The following CGN variants were observed in gnomAD, a reference collection of about 807,000 sequenced individuals.
CGN encodes cingulin.
In CGN, 121 loss-of-function variants were observed where a neutral mutation model predicts 157.1. The ratio of observed to expected loss-of-function variants is 0.77; its 90% CI spans 0.66 to 0.90. The LOEUF (loss-of-function observed/expected upper bound fraction) is 0.90, where lower values mean the gene tolerates loss of function less well. Among genes scored for constraint, CGN ranks in the 40% least tolerant of loss-of-function variants. CGN has a pLI of 0.00. For missense variants in CGN, 1,424 were observed against 1,520.9 expected (o/e 0.94, Z 1.06); for synonymous variants, 535 against 607.5 (o/e 0.88, Z 1.76).
chr1:151,536,232 C>G lies in CGN; in HGVS notation c.3198-5C>G. 1 of 1,559,946 alleles carries G rather than the reference C, an allele frequency of 6.4e-7. No homozygotes were observed. Among genetic ancestry groups the G allele is most frequent in the Non-Finnish European group, 8.8e-7 (1 of 1,130,454 alleles). ...ACTCATAGACATTCTTCTACCTCAC[C>G]TTAGGGAGAAGACAGTTCTGCAGTC... On this transcript the variant is annotated splice_region_variant and splice_polypyrimidine_tract_variant and intron_variant, in intron 18 of 20. Transcript: ENST00000271636.
At chr1:151,528,294 G>T (rs2102497438) in intron 10 of CGN, among the ~76,000 whole-genome samples, 1 of 151,378 alleles carries the variant, frequency 6.6e-6, no homozygotes, top group South Asian at 2.1e-4. Flanking sequence ...GCCTCACACT[G>T]TATTTTTTTT....
intron 5 of CGN, among the ~76,000 whole-genome samples, chr1:151,522,999 C>A (rs1664575209): frequency 6.6e-6 from 1 of 152,082 alleles, no homozygotes; most frequent in Non-Finnish European, 1.5e-5. Flanking sequence ...AACCTCAGTT[C>A]CTGGCTGTTT....
intron 13 of CGN, among the ~76,000 whole-genome samples, chr1:151,531,482 CTT>C (rs2102500651): frequency 6.6e-6 from 1 of 152,314 alleles, no homozygotes; most frequent in African/African-American, 2.4e-5. Context: ...AGATAAGTAA[CTT>C]GCCTATGGTT....
In CGN at chr1:151,520,179, C is replaced by T. The variant is rs1664508610; in HGVS notation, c.887C>T (p.Pro296Leu). 1.2e-6 allele frequency: 2 copies of T among 1,612,462 alleles called. No homozygotes were observed. The highest frequency in any genetic ancestry group is 3.3e-4 in the Middle Eastern group (2 of 5,990). Residue 296 changes from proline (P) to leucine (L), a missense_variant, in exon 3 of 21, where the codon CCA becomes CTA. By Grantham distance (98) the Pro-to-Leu change is moderately conservative. Transcript: ENST00000271636. ...TTTTTTTAACAGTTCAAATCAACTC[C>T]AGACCTCCTTCGAGACCAGCAGGAG... ...DPTMLQFKST[P>L]DLLRDQQEAA...
Position 151,520,636 on chromosome 1 carries a change from G to T in CGN, c.1085G>T (p.Gly362Val). The change falls in exon 5 of 21, where the codon GGT (glycine) becomes GTT (valine). Residue 362 changes from glycine (G) to valine (V), a missense_variant. By Grantham distance (109) the Gly-to-Val change is moderately radical. Around this residue, in one of 3 missense-constraint regions of CGN, gnomAD observed 1,187 missense variants for 1,217.6 expected, o/e 0.97. Transcript: ENST00000271636. ...TCTACTAAGGCCGTGGCAGGGCAGG[G>T]TGAGCTTACCCGAAAAGTGGAGGAG... The part of the protein sequence containing the change: ...SGSTKAVAGQ[G>V]ELTRKVEELQ... 2 of 1,614,206 alleles carry T rather than the reference G, an allele frequency of 1.2e-6. No individual in the cohort carries two copies. The highest frequency in any genetic ancestry group is 1.7e-6 in the Non-Finnish European group (2 of 1,180,040).
At position 151,537,469 on chromosome 1, in the gene CGN, GA is replaced by G; in HGVS notation, c.*124del. On this transcript the variant is annotated 3_prime_UTR_variant, in exon 21 of 21. Transcript: ENST00000271636. ...CCCAATTATTCAGACCTAAGACAGGGAGGGGTCAGAGTGATGGTGATAAAAA... is the reference window on the plus strand; with the variant it reads ...CCCAATTATTCAGACCTAAGACAGGGGGGGTCAGAGTGATGGTGATAAAAA... The G allele has an allele frequency of 1.3e-6, 1 of 762,036 alleles. No homozygotes were observed. The highest frequency in any genetic ancestry group is 2.7e-5 in the East Asian group (1 of 37,046). The allele number at this position is 762,036 out of a possible 1,614,324, so 47.2% of individuals were successfully genotyped here.
chr1:151,524,509 G>A lies in CGN; in HGVS notation c.1401+151G>A. On this transcript the variant is annotated intron_variant, in intron 7 of 20. Coordinates refer to ENST00000271636, the MANE Select transcript of CGN (RefSeq NM_020770.3). This position sits in a 1 kb window ranked among gnomAD's most constrained non-coding sequence, Gnocchi z 4.4. ...TTCAGGTAGATTCAATGGTGTGTTG[G>A]GACTAGAGTTAGGATAAAGGAAACC... 7.6e-7 allele frequency: 1 copy of A among 1,320,124 alleles called. No individual in the cohort carries two copies. Among genetic ancestry groups the A allele is most frequent in the Non-Finnish European group, 1.0e-6 (1 of 955,042 alleles). The allele number at this position is 1,320,124 out of a possible 1,614,324, so 81.8% of individuals were successfully genotyped here. A position where few individuals can be genotyped will look rare whatever the true frequency, so the allele number is the denominator to read the frequency against.
At chr1:151,536,626 AT>A in intron 19 of CGN, 103 bp from the exon 20 acceptor site, 5 of 1,244,964 alleles carry the variant, frequency 4.0e-6, no homozygotes, top group Non-Finnish European at 5.7e-6. Flanking sequence ...CCAAGGCCAC[AT>A]TTTTCCAGCG....
chr1:151,524,178 T>C lies in CGN; in HGVS notation c.1269-48T>C. The C allele has an allele frequency of 2.0e-6, 3 of 1,484,142 alleles. No individual in the cohort carries two copies. The highest frequency in any genetic ancestry group is 2.8e-6 in the Non-Finnish European group (3 of 1,080,244). The allele number at this position is 1,484,142 out of a possible 1,614,324, so 91.9% of individuals were successfully genotyped here. ...TATGAATTAAAATATATGATGCGTT[T>C]AGAGAACTGCCTGACACATAGTGTG... is the stretch of plus-strand genomic sequence containing the variant. On this transcript the variant is annotated intron_variant, in intron 6 of 20. Coordinates refer to ENST00000271636, the MANE Select transcript of CGN (RefSeq NM_020770.3). This position sits in a 1 kb window ranked among gnomAD's most constrained non-coding sequence, Gnocchi z 4.4.
chr1:151,515,609 G>A (rs1291127478), intron 1 of CGN: 1 of 152,236 alleles, frequency 6.6e-6, no homozygotes, highest in East Asian at 1.9e-4. Flanking sequence ...AAGTCGCTGG[G>A]ACTACAGGTG....
chr1:151,530,367 C>T, intron 12 of CGN, 122 bp from the exon 13 acceptor site: 1 of 1,232,578 alleles, frequency 8.1e-7, no homozygotes, highest in Non-Finnish European at 1.1e-6. Context: ...TGCTAGGAGC[C>T]TGTTTTCATT....
intron 20 of CGN, 87 bp downstream of exon 20, chr1:151,536,980 C>T (rs1664983018): frequency 2.8e-6 from 4 of 1,430,488 alleles, no homozygotes; most frequent in Non-Finnish European, 3.8e-6. Flanking sequence ...GGAGGAGAAT[C>T]TCTAACATGG....
rs1571651194 is a variant in CGN, at chr1:151,511,546, C to T, written c.-15+31C>T. On this transcript the variant is annotated intron_variant, in intron 1 of 20. Transcript: ENST00000271636. The surrounding 1 kb of genome is among the most constrained non-coding windows in gnomAD (Gnocchi z 4.8). ...TGGACCCGGTGCGGGCCAGGGCACC[C>T]GAGAGGAAAGCGAGCCTTCAGGGGT... The T allele has an allele frequency of 6.4e-6, 1 of 155,386 alleles. No homozygotes were observed. Among genetic ancestry groups the T allele is most frequent in the African/African-American group, 2.4e-5 (1 of 41,280 alleles). 9.6% of individuals were successfully genotyped at this position (155,386 alleles called of 1,614,324 possible).
In CGN at chr1:151,530,208, G is replaced by A. The variant is rs923212690; in HGVS notation, c.2313+93G>A. The A allele has an allele frequency of 6.6e-6, 9 of 1,373,988 alleles. No homozygotes were observed. The Admixed American group carries it at 1.5e-4, about 23-fold the overall frequency. The allele number at this position is 1,373,988 out of a possible 1,614,324, so 85.1% of individuals were successfully genotyped here. ...AGCCATCAGTTTCACTTTGCCCTTA[G>A]TGTGCATCTGTTTTGCCTCCCCAAA... On this transcript the variant is annotated intron_variant, in intron 12 of 20. Transcript: ENST00000271636.
rs1664774912 is a variant in CGN, at chr1:151,529,384, T to G, written c.1931T>G (p.Leu644Arg). ...CGGACACAGGAGGAGCTTAAGGAAC[T>G]GCAGGCAGAACGGCAGAGCCAGGAG... ...LLRTQEELKELQAERQSQEVA... is the reference protein window; with the variant it reads ...LLRTQEELKERQAERQSQEVA... Residue 644 changes from leucine to arginine, a missense_variant, in exon 11 of 21, where the codon CTG (leucine) becomes CGG (arginine). Physicochemically the swap from Leu to Arg is moderately radical, Grantham distance 102 (BLOSUM62 -2). Transcript: ENST00000271636. 6.2e-7 allele frequency: 1 copy of G among 1,613,760 alleles called. No individual in the cohort carries two copies. Among genetic ancestry groups the G allele is most frequent in the Admixed American group, 1.7e-5 (1 of 60,000 alleles).
chr1:151,532,659 G>A (rs1001489324), intron 14 of CGN, 87 bp downstream of exon 14: 13 of 1,087,438 alleles, frequency 1.2e-5, no homozygotes, highest in Admixed American at 5.1e-5. Context: ...TCACTCTGTC[G>A]CCCAGGCTGG....
At chr1:151,527,977 A>AT (rs1664731685) in intron 10 of CGN, 6 of 89,302 alleles carry the variant, frequency 6.7e-5, no homozygotes, top group African/African-American at 3.0e-4. Context: ...TTTTTTTGAG[A>AT]CGGAGTCTCA....
chr1:151,535,209 C>A (rs1441372250), intron 16 of CGN, 78 bp downstream of exon 16: 2 of 1,096,602 alleles, frequency 1.8e-6, no homozygotes, highest in Non-Finnish European at 2.7e-6. Context: ...ACTCTACCCT[C>A]CCATCTTTCA....
At chr1:151,510,450 A>C (rs915439079), upstream of CGN, 1 of 152,210 alleles carries the variant, frequency 6.6e-6, no homozygotes, top group African/African-American at 2.4e-5. Context: ...TTTTAACTGC[A>C]GCTGGTATGA....
Sources: allele counts gnomAD v4.1 joint callset (sites outside exome capture counted in the v4.1 genomes callset), GRCh38; gene constraint gnomAD v4.1.1; regional missense constraint gnomAD v4.1.1; non-coding constraint Gnocchi (gnomAD v3.1); transcripts MANE v1.5; gene names NCBI Gene and HGNC (gene_info 2026-07-23, HGNC 2026-07-21).